GORAB: variants seen among roughly 807,000 people sequenced by gnomAD.
The protein encoded by GORAB is golgin, RAB6 interacting.
A neutral mutation model predicts 29.9 loss-of-function variants in GORAB; 17 were observed. The observed-to-expected ratio is 0.57, with a 90% CI of 0.39 to 0.85. The LOEUF is 0.85. Ranked by LOEUF, GORAB falls within the 40% of genes least tolerant of loss-of-function variation. The pLI is 0.00. For synonymous variants in GORAB, 183 were observed against 157.2 expected (o/e 1.16, Z -1.23); for missense variants, 442 against 437.8 (o/e 1.01, Z -0.09).
intron 4 of GORAB, among the ~76,000 whole-genome samples, chr1:170,548,870 C>T (rs1053298345): frequency 6.6e-6 from 1 of 151,900 alleles, no homozygotes; most frequent in African/African-American, 2.4e-5. Context: ...TTCTTTGGAC[C>T]TCTCTGGTAA....
rs1650269806 is a variant in GORAB at position 170,553,633 on chromosome 1, G to A, written c.*1171G>A. 2 of 451,956 alleles carry A rather than the reference G, an allele frequency of 4.4e-6. No individual in the cohort carries two copies. Among genetic ancestry groups the A allele is most frequent in the Non-Finnish European group, 8.8e-6 (2 of 226,320 alleles). The allele number at this position is 451,956 out of a possible 1,614,324, so 28.0% of individuals were successfully genotyped here. ...CTGTTTTTAAATGGGTTTGTTTGAG[G>A]GTATTATCTTCTGGTAATATAGATG... On this transcript the variant is annotated 3_prime_UTR_variant, in exon 5 of 5. Transcript: ENST00000367763.
chr1:170,535,581 C>T (rs1303075153), intron 1 of GORAB, among the ~76,000 whole-genome samples: 1 of 152,150 alleles, frequency 6.6e-6, no homozygotes, highest in African/African-American at 2.4e-5. Flanking sequence ...CACTCTGTTG[C>T]CCAGGCTGAA....
intron 1 of GORAB, among the ~76,000 whole-genome samples, chr1:170,534,824 T>A (rs988923378): frequency 3.9e-4 from 59 of 152,312 alleles, no homozygotes; most frequent in African/African-American, 1.4e-3. Flanking sequence ...TTTCTTAGAA[T>A]GTATCCCTTT....
At chr1:170,547,131 A>T (rs188042645) in intron 4 of GORAB, among the ~76,000 whole-genome samples, 100 of 152,354 alleles carry the variant, frequency 6.6e-4, no homozygotes, top group African/African-American at 2.3e-3. Context: ...TTGAGAAATT[A>T]CAGATCGGTA....
At chr1:170,547,457 A>G (rs554278159) in intron 4 of GORAB, among the ~76,000 whole-genome samples, 2 of 150,252 alleles carry the variant, frequency 1.3e-5, no homozygotes, top group African/African-American at 5.0e-5. Flanking sequence ...TGCTACTGCT[A>G]CTACTGCTAC....
chr1:170,538,307 A>C (rs1649179924), intron 1 of GORAB, among the ~76,000 whole-genome samples: 1 of 152,218 alleles, frequency 6.6e-6, no homozygotes, highest in South Asian at 2.1e-4. Flanking sequence ...AAAAGTCAAT[A>C]TGCCAAATTT....
At chr1:170,542,062 TAAG>T (rs2101824392) in intron 2 of GORAB, among the ~76,000 whole-genome samples, 1 of 152,218 alleles carries the variant, frequency 6.6e-6, no homozygotes, top group East Asian at 1.9e-4. Flanking sequence ...TGAAACATGT[TAAG>T]GTGGTGGAGA....
Position 170,532,227 on chromosome 1 carries a change from G to A in GORAB, c.4G>A (p.Ala2Thr). The A allele has an allele frequency of 6.2e-7, 1 of 1,614,132 alleles. No individual in the cohort carries two copies. Among genetic ancestry groups the A allele is most frequent in the South Asian group, 1.1e-5 (1 of 91,076 alleles). ...GGGGTGCCGGTGGCCCGGGCCGATG[G>A]CGCAAGGTTGGGCAGGATTCTCTGA... M[A>T]QGWAGFSEEE... The change falls in exon 1 of 5, where the codon GCG (alanine) becomes ACG (threonine). Residue 2 changes from alanine (A) to threonine (T), a missense_variant. Transcript: ENST00000367763.
chr1:170,553,605 A>C lies in GORAB; in HGVS notation c.*1143A>C, dbSNP rs752493853. On this transcript the variant is annotated 3_prime_UTR_variant, in exon 5 of 5. Transcript: ENST00000367763. ...AAAAGTTTCTGAAAAACTTAGGGAC[A>C]TCCTGTTTTTAAATGGGTTTGTTTG... 3.1e-5 allele frequency: 14 copies of C among 452,858 alleles called. No homozygotes were observed. Among genetic ancestry groups the C allele is most frequent in the South Asian group, 2.2e-4 (14 of 63,830 alleles). The allele number at this position is 452,858 out of a possible 1,614,324, so 28.1% of individuals were successfully genotyped here.
chr1:170,537,710 C>T lies in GORAB; in HGVS notation c.62-1500C>T, dbSNP rs550678967. Among the ~76,000 whole-genome samples the T allele has an allele frequency of 2.6e-5, 4 of 152,264 alleles. No homozygotes were observed. The East Asian group carries it at 7.7e-4, about 29-fold the overall frequency. ...CCCTTTACACTAGACTTACGCTTCTCAGTTCACCACAGTCTCCTTGATATT... is the reference window on the plus strand; with the variant it reads ...CCCTTTACACTAGACTTACGCTTCTTAGTTCACCACAGTCTCCTTGATATT... On this transcript the variant is annotated intron_variant, in intron 1 of 4. Transcript: ENST00000367763.
At chr1:170,542,435 GGTAGCA>G in intron 2 of GORAB, 50 bp from the exon 3 acceptor site, 1 of 988,652 alleles carries the variant, frequency 1.0e-6, no homozygotes, top group Non-Finnish European at 1.6e-6. Context: ...TGTTGGATAG[GGTAGCA>G]GTTTCTTTTT....
chr1:170,534,002 A>C (rs1057402468), intron 1 of GORAB, among the ~76,000 whole-genome samples: 1 of 152,152 alleles, frequency 6.6e-6, no homozygotes, highest in East Asian at 1.9e-4. Flanking sequence ...TTATTGAATA[A>C]TTTAGGAAGA....
chr1:170,550,743 T>C (rs16863425), intron 4 of GORAB, among the ~76,000 whole-genome samples: 49,045 of 152,114 alleles, frequency 0.32, 7,958 homozygotes, highest in South Asian at 0.35. Flanking sequence ...ACTAAGTTGA[T>C]GTAGGCACTC....
At chr1:170,542,330 C>T (rs935781066) in intron 2 of GORAB, among the ~76,000 whole-genome samples, 161 bp from the exon 3 acceptor site, 3 of 152,126 alleles carry the variant, frequency 2.0e-5, no homozygotes, top group Non-Finnish European at 4.4e-5. Flanking sequence ...AAATAATGAA[C>T]TGCAGATGGG....
intron 4 of GORAB, chr1:170,545,391 C>G (rs1268778004): frequency 1.1e-6 from 1 of 947,732 alleles, no homozygotes; most frequent in Non-Finnish European, 1.3e-6. Flanking sequence ...TTTTTCCTTT[C>G]AATTATACTC....
At chr1:170,538,741 C>T (rs1170162243) in intron 1 of GORAB, among the ~76,000 whole-genome samples, 1 of 152,140 alleles carries the variant, frequency 6.6e-6, no homozygotes, top group African/African-American at 2.4e-5. Context: ...CACATATGTA[C>T]CAAATTGCCC....
rs573536026 is a variant in GORAB, at chr1:170,552,524, A to G, written c.*62A>G. The G allele has an allele frequency of 2.3e-6, 3 of 1,319,544 alleles. No individual in the cohort carries two copies. Among genetic ancestry groups the G allele is most frequent in the African/African-American group, 1.4e-5 (1 of 69,278 alleles). 81.7% of individuals were successfully genotyped at this position (1,319,544 alleles called of 1,614,324 possible). A position where few individuals can be genotyped will look rare whatever the true frequency, so the allele number is the denominator to read the frequency against. On this transcript the variant is annotated 3_prime_UTR_variant, in exon 5 of 5. Transcript: ENST00000367763. ...TAAAGTATACTTTTTGCAGTAGATC[A>G]TGCCCTGACCTCCAATAAAAACCTC...
chr1:170,535,491 A>C (rs140453357), intron 1 of GORAB, among the ~76,000 whole-genome samples: 22 of 152,316 alleles, frequency 1.4e-4, no homozygotes, highest in African/African-American at 5.1e-4. Flanking sequence ...CATTATGAAT[A>C]TCTTCTCCCA....
chr1:170,539,106 C>T (rs1649231485), intron 1 of GORAB, 104 bp from the exon 2 acceptor site: 4 of 1,380,610 alleles, frequency 2.9e-6, no homozygotes, highest in Admixed American at 1.8e-5. Flanking sequence ...GTAGGAGAAC[C>T]ACTAGAATTA....
Sources: gnomAD v4.1 joint callset for allele counts (sites outside exome capture counted in the v4.1 genomes callset) on GRCh38, gnomAD v4.1.1 for gene constraint, MANE v1.5 for transcripts, NCBI Gene and HGNC (gene_info 2026-07-23, HGNC 2026-07-21) for gene names.